RABGAP1L: variants seen among roughly 807,000 people sequenced by gnomAD.
RABGAP1L encodes the protein RAB GTPase activating protein 1 like.
Under a neutral mutation model 137.7 loss-of-function variants are expected in RABGAP1L, and 63 were observed. The observed-to-expected ratio is 0.46, with a 90% CI of 0.37 to 0.56. RABGAP1L has a LOEUF of 0.56. RABGAP1L is among the 20% of genes least tolerant of loss of function. The pLI, the probability that RABGAP1L is intolerant of heterozygous loss-of-function variation, is 0.00. For missense variants in RABGAP1L, 1,095 were observed against 1,244.0 expected, an observed-to-expected ratio of 0.88 and a Z score of 1.80; for synonymous variants, 431 against 433.7, an observed-to-expected ratio of 0.99 and a Z score of 0.08.
chr1:174,973,799 C>A (rs942367872), intron 21 of RABGAP1L, among the ~76,000 whole-genome samples: 15 of 151,932 alleles, frequency 9.9e-5, no homozygotes, highest in Admixed American at 7.9e-4. Context: ...ATGAAAGGAT[C>A]AGTCTGTTCA....
At position 174,275,881 on chromosome 1, in the gene RABGAP1L, A is replaced by G; in HGVS notation, c.1102A>G (p.Met368Val). 6.2e-7 allele frequency: 1 copy of G among 1,613,234 alleles called. No homozygotes were observed. The highest frequency in any genetic ancestry group is 8.5e-7 in the Non-Finnish European group (1 of 1,179,424). The change falls in exon 9 of 26, where the codon ATG becomes GTG. Residue 368 changes from methionine to valine, a missense_variant. By Grantham distance (21) the Met-to-Val change is conservative (BLOSUM62 1). This residue lies in a region of RABGAP1L where 112 missense variants were observed against 157.3 expected (regional missense o/e 0.71). Coordinates refer to ENST00000681986, the MANE Select transcript of RABGAP1L (RefSeq NM_001366446.1). ...YDGRAYVITG[M>V]WNPNAPVFLA... ...TGGGAGAGCTTATGTCATCACTGGC[A>G]TGTGGAACCCCAATGCACCAGTATT...
intron 14 of RABGAP1L, among the ~76,000 whole-genome samples, chr1:174,672,008 A>C (rs1677211041): frequency 6.6e-6 from 1 of 152,116 alleles, no homozygotes; most frequent in African/African-American, 2.4e-5. Flanking sequence ...ACTCATCTAC[A>C]TGAAGAAATA....
chr1:174,252,904 C>T (rs1672829850), intron 7 of RABGAP1L, among the ~76,000 whole-genome samples: 1 of 152,150 alleles, frequency 6.6e-6, no homozygotes, highest in Admixed American at 6.5e-5. Flanking sequence ...CTTTCGATTA[C>T]TCTTCCACTT....
At chr1:174,836,352 C>T (rs770637682) in intron 19 of RABGAP1L, among the ~76,000 whole-genome samples, 2 of 152,104 alleles carry the variant, frequency 1.3e-5, no homozygotes, top group African/African-American at 2.4e-5. Context: ...TTCTCTCTCC[C>T]TCTGTCTGAC....
At chr1:174,437,735 C>T (rs1168609147) in intron 13 of RABGAP1L, among the ~76,000 whole-genome samples, 7 of 152,102 alleles carry the variant, frequency 4.6e-5, no homozygotes, top group South Asian at 2.1e-4. Context: ...AAAGATACTC[C>T]TCGAGAAGAG....
intron 18 of RABGAP1L, among the ~76,000 whole-genome samples, chr1:174,766,654 G>A (rs1685695656): frequency 6.6e-6 from 1 of 152,204 alleles, no homozygotes; most frequent in Non-Finnish European, 1.5e-5. Flanking sequence ...AATAGGGATT[G>A]CTTTGAATCT....
chr1:174,213,721 G>GA (rs1373047668), intron 1 of RABGAP1L, among the ~76,000 whole-genome samples: 3 of 152,166 alleles, frequency 2.0e-5, no homozygotes, highest in African/African-American at 7.2e-5. Context: ...AATTAAGGAT[G>GA]AAAACCATAT....
chr1:174,240,384 A>G (rs541823259), intron 4 of RABGAP1L, among the ~76,000 whole-genome samples: 1 of 152,108 alleles, frequency 6.6e-6, no homozygotes, highest in African/African-American at 2.4e-5. Flanking sequence ...ATAGCTGGGA[A>G]TACCGGTTCC....
chr1:174,806,895 C>T (rs1156943910), intron 18 of RABGAP1L, among the ~76,000 whole-genome samples: 3 of 152,174 alleles, frequency 2.0e-5, no homozygotes, highest in Non-Finnish European at 2.9e-5. Flanking sequence ...AAGCAATTCT[C>T]CTGCCTCAGC....
At chr1:174,866,129 GAGA>G in intron 19 of RABGAP1L, among the ~76,000 whole-genome samples, 1 of 144,784 alleles carries the variant, frequency 6.9e-6, no homozygotes, top group South Asian at 2.2e-4. Context: ...GAGAGAGAGA[GAGA>G]GAGAGAGAGA....
At chr1:174,587,159 T>C (rs895598026) in intron 13 of RABGAP1L, among the ~76,000 whole-genome samples, 3 of 151,196 alleles carry the variant, frequency 2.0e-5, no homozygotes, top group African/African-American at 7.3e-5. Flanking sequence ...TGTTGGACAT[T>C]TGGGTTGGTT....
intron 12 of RABGAP1L, among the ~76,000 whole-genome samples, chr1:174,376,987 G>T (rs1185146889): frequency 1.3e-5 from 2 of 152,024 alleles, no homozygotes; most frequent in Non-Finnish European, 2.9e-5. Flanking sequence ...AAAACTCCTA[G>T]ATCTAATAAA....
At position 174,548,235 on chromosome 1, in the gene RABGAP1L, G is replaced by A. The variant is rs893581337; in HGVS notation, c.1711-89140G>A. The A allele has an allele frequency of 2.8e-6, 4 of 1,409,112 alleles. No homozygotes were observed. The African/African-American group carries it at 4.3e-5, about 15-fold the overall frequency. 87.3% of individuals were successfully genotyped at this position (1,409,112 alleles called of 1,614,324 possible). On this transcript the variant is annotated intron_variant, in intron 13 of 25. Transcript: ENST00000681986. ...AGAAAGCATAATCTACAGAATTGAA[G>A]CCAAGTAATCTAAGATTCTGTTTTT...
At chr1:174,851,290 G>A in intron 19 of RABGAP1L, among the ~76,000 whole-genome samples, 1 of 152,208 alleles carries the variant, frequency 6.6e-6, no homozygotes, top group East Asian at 1.9e-4. Context: ...CCTCCAGTCT[G>A]GGTGTGATGG....
intron 17 of RABGAP1L, among the ~76,000 whole-genome samples, chr1:174,704,767 A>G (rs1471745222): frequency 6.6e-6 from 1 of 152,214 alleles, no homozygotes; most frequent in Admixed American, 6.5e-5. Flanking sequence ...ATATTCACAA[A>G]GCATATGTGG....
chr1:174,700,975 A>G (rs114085642), intron 16 of RABGAP1L: 1 of 1,050,258 alleles, frequency 9.5e-7, no homozygotes, highest in Non-Finnish European at 1.3e-6. Flanking sequence ...GTTTTTTTTC[A>G]GTTAACTGAA....
intron 3 of RABGAP1L, among the ~76,000 whole-genome samples, chr1:174,223,151 C>T (rs1157771637): frequency 6.6e-6 from 1 of 150,792 alleles, no homozygotes; most frequent in Non-Finnish European, 1.5e-5. Context: ...GCCTGTAGTC[C>T]CAGCTACTCA....
chr1:174,768,273 A>G (rs563954811), intron 18 of RABGAP1L, among the ~76,000 whole-genome samples: 2 of 152,364 alleles, frequency 1.3e-5, no homozygotes, highest in Admixed American at 1.3e-4. Context: ...ATGTCAGGTG[A>G]CCATCAGGTA....
intron 16 of RABGAP1L, 107 bp from the exon 17 acceptor site, chr1:174,702,006 G>T: frequency 9.9e-7 from 1 of 1,014,404 alleles, no homozygotes. Context: ...CTAGAATAGA[G>T]TTACAGCGAT....
Sources: gnomAD v4.1 joint callset for allele counts (sites outside exome capture counted in the v4.1 genomes callset) on GRCh38, gnomAD v4.1.1 for gene constraint, gnomAD v4.1.1 regional missense constraint, MANE v1.5 for transcripts, NCBI Gene and HGNC (gene_info 2026-07-23, HGNC 2026-07-21) for gene names.